The following POLG variants were observed in gnomAD, a reference collection of about 807,000 sequenced individuals.
The protein encoded by POLG is DNA polymerase gamma, catalytic subunit.
In POLG, 110 loss-of-function variants were observed where a neutral mutation model predicts 155.4. The observed-to-expected ratio is 0.71, with a 90% confidence interval of 0.61 to 0.83. The LOEUF is 0.83. Among genes scored for constraint, POLG ranks in the 40% least tolerant of loss-of-function variants. POLG has a pLI of 0.00. For missense variants in POLG, 1,685 were observed against 1,627.5 expected, an observed-to-expected ratio of 1.04 and a Z score of -0.61; for synonymous variants, 701 against 631.5, an observed-to-expected ratio of 1.11 and a Z score of -1.65.
Position 89,333,631 on chromosome 15 carries a change from G to T in POLG, c.124C>A (p.Arg42=). The T allele has an allele frequency of 1.3e-6, 2 of 1,594,256 alleles. No homozygotes were observed. The highest frequency in any genetic ancestry group is 1.7e-6 in the Non-Finnish European group (2 of 1,173,664). Residue 42 remains arginine (R), a synonymous_variant, in exon 2 of 23, where the codon CGG becomes AGG. Coordinates refer to ENST00000268124, the MANE Select transcript of POLG (RefSeq NM_002693.3). ...ASDPSDGQRR[R]QQQQQQQQQQ... ...TGCTGCTGCTGCTGCTGCTGCTGCC[G>T]CCGCCGCTGCCCGTCGCTGGGGTCG... is the stretch of plus-strand genomic sequence containing the variant.
chr15:89,318,775 G>C (rs1416375048), intron 20 of POLG, 26 bp from the exon 21 acceptor site: 1 of 1,599,898 alleles, frequency 6.3e-7, no homozygotes. Flanking sequence ...GGGCAGAGGT[G>C]AAAGGGGCTA....
At chr15:89,332,410 C>T (rs2055605004) in intron 2 of POLG, 1 of 152,144 alleles carries the variant, frequency 6.6e-6, no homozygotes, top group Non-Finnish European at 1.5e-5. Flanking sequence ...AGAAACAGTA[C>T]TGCCATCATT....
chr15:89,322,772 G>A lies in POLG; in HGVS notation c.2396C>T (p.Ser799Phe). The A allele has an allele frequency of 1.2e-6, 2 of 1,614,166 alleles. No homozygotes were observed. Among genetic ancestry groups the A allele is most frequent in the Non-Finnish European group, 1.7e-6 (2 of 1,180,022 alleles). Reference sequence around the variant, plus strand: ...ACGTTTATGGGCGTTCCTCCAGAAAGAAATCATTTTGTTGATTTCCAGAGC... The same window carrying A: ...ACGTTTATGGGCGTTCCTCCAGAAAAAAATCATTTTGTTGATTTCCAGAGC... The part of the protein sequence containing the change: ...PRALEINKMI[S>F]FWRNAHKRIS... The change falls in exon 14 of 23, where the codon TCT becomes TTT. Residue 799 changes from serine to phenylalanine, a missense_variant. Physicochemically the swap from Ser to Phe is radical, Grantham distance 155. Coordinates refer to ENST00000268124, the MANE Select transcript of POLG (RefSeq NM_002693.3).
In POLG at chr15:89,322,805, C is replaced by A; in HGVS notation, c.2363G>T (p.Gly788Val). ...TTTGTTGATTTCCAGAGCACGGGGCCCACTGGCACCTCCTGGGCCAGCCTG... is the reference window on the plus strand; with the variant it reads ...TTTGTTGATTTCCAGAGCACGGGGCACACTGGCACCTCCTGGGCCAGCCTG... ...TLQAGPGGAS[G>V]PRALEINKMI... Residue 788 changes from glycine (G) to valine (V), a missense_variant, in exon 14 of 23, where the codon GGG becomes GTG. Gly to Val is a moderately radical substitution (Grantham distance 109). Around this residue, in one of 3 missense-constraint regions of POLG, gnomAD observed 1,210 missense variants for 1,167.1 expected, o/e 1.04. Coordinates refer to ENST00000268124, the MANE Select transcript of POLG (RefSeq NM_002693.3). 1 of 1,614,162 alleles carries A rather than the reference C, an allele frequency of 6.2e-7. No individual in the cohort carries two copies. The highest frequency in any genetic ancestry group is 1.3e-5 in the African/African-American group (1 of 75,066).
At chr15:89,332,047 T>A (rs2055601003) in intron 2 of POLG, among the ~76,000 whole-genome samples, 1 of 152,254 alleles carries the variant, frequency 6.6e-6, no homozygotes, top group Non-Finnish European at 1.5e-5. Context: ...ACTGGTTTCC[T>A]AATTTTCTTT....
At chr15:89,319,397 C>T in intron 18 of POLG, 47 bp from the exon 19 acceptor site, 2 of 1,609,450 alleles carry the variant, frequency 1.2e-6, no homozygotes, top group Admixed American at 1.7e-5. Context: ...GCTTCCTGTG[C>T]CACGCTAGTG....
At position 89,324,105 on chromosome 15, in the gene POLG, A is replaced by C; in HGVS notation, c.2070+2T>G. 6.2e-7 allele frequency: 1 copy of C among 1,613,862 alleles called. No homozygotes were observed. The highest frequency in any genetic ancestry group is 8.5e-7 in the Non-Finnish European group (1 of 1,180,012). On this transcript the variant is annotated splice_donor_variant, in intron 11 of 22. Coordinates refer to ENST00000268124, the MANE Select transcript of POLG (RefSeq NM_002693.3). LOFTEE classifies it high-confidence loss of function. Reference sequence around the variant, plus strand: ...AAGCTCAGGTTCAGAGCCTGCCCTCACCGTTTGCCATATGGCACTATTGTC... The same window carrying C: ...AAGCTCAGGTTCAGAGCCTGCCCTCCCCGTTTGCCATATGGCACTATTGTC...
chr15:89,324,438 C>T (rs1567188800), intron 10 of POLG: 1 of 649,370 alleles, frequency 1.5e-6, no homozygotes, highest in Non-Finnish European at 2.8e-6. Context: ...GGTTCAAGGC[C>T]TTGTCTCACT....
In POLG at chr15:89,333,636, CGCT is replaced by C. The variant is rs763663907; in HGVS notation, c.116_118del (p.Gln39del). ...CTGCTGCTGCTGCTGCTGCCGCCGCCGCTGCCCGTCGCTGGGGTCGGACGCGGG... is the reference window on the plus strand; with the variant it reads ...CTGCTGCTGCTGCTGCTGCCGCCGCCGCCCGTCGCTGGGGTCGGACGCGGG... On this transcript the variant is annotated inframe_deletion, in exon 2 of 23. Coordinates refer to ENST00000268124, the MANE Select transcript of POLG (RefSeq NM_002693.3). 16 of 1,586,322 alleles carry C rather than the reference CGCT, an allele frequency of 1.0e-5. No homozygotes were observed. The East Asian group carries it at 1.1e-4, about 11-fold the overall frequency.
At chr15:89,325,796 C>T in intron 9 of POLG, 110 bp from the exon 10 acceptor site, 1 of 893,126 alleles carries the variant, frequency 1.1e-6, no homozygotes, top group Non-Finnish European at 1.9e-6. Context: ...CTGGGGCTTT[C>T]TGGTGACCCC....
At chr15:89,325,866 C>G (rs2055510601) in intron 9 of POLG, among the ~76,000 whole-genome samples, 180 bp from the exon 10 acceptor site, 1 of 152,170 alleles carries the variant, frequency 6.6e-6, no homozygotes, top group South Asian at 2.1e-4. Context: ...ATGGAATCCT[C>G]TAGAAGAATA....
intron 2 of POLG, among the ~76,000 whole-genome samples, chr15:89,331,061 A>G (rs577640974): frequency 6.6e-6 from 1 of 152,350 alleles, no homozygotes; most frequent in East Asian, 1.9e-4. Flanking sequence ...TAAACAATCA[A>G]GGCCCACTCA....
chr15:89,331,101 G>C (rs1340736611), intron 2 of POLG, among the ~76,000 whole-genome samples: 1 of 152,064 alleles, frequency 6.6e-6, no homozygotes, highest in East Asian at 1.9e-4. Context: ...GGCCACGTGT[G>C]GACAACACAG....
In POLG at chr15:89,321,860, G is replaced by A. The variant is rs2307448; in HGVS notation, c.2481-7C>T. The A allele has an allele frequency of 4.5e-3, 7,325 of 1,612,058 alleles. 22 individuals are homozygous for A. The highest frequency in any genetic ancestry group is 5.8e-3 in the Non-Finnish European group (6,873 of 1,178,114). On this transcript the variant is annotated splice_region_variant and splice_polypyrimidine_tract_variant and intron_variant, in intron 15 of 22. Coordinates refer to ENST00000268124, the MANE Select transcript of POLG (RefSeq NM_002693.3). ...CTCATCATAGTCGGGGTGCCTGGTG[G>A]GGTGCAGGGGAAGGAAATGGGTCTT...
intron 22 of POLG, 145 bp from the exon 23 acceptor site, chr15:89,316,972 G>C: frequency 1.4e-6 from 1 of 695,522 alleles, no homozygotes; most frequent in Non-Finnish European, 2.6e-6. Context: ...TTACATGTTA[G>C]GAGGGTCTGT....
chr15:89,327,371 C>T (rs1567191518), intron 6 of POLG, 22 bp from the exon 7 acceptor site: 1 of 1,611,080 alleles, frequency 6.2e-7, no homozygotes, highest in Non-Finnish European at 8.5e-7. Context: ...ACACCAGGAG[C>T]TGCCATAAAT....
chr15:89,316,966 A>C, intron 22 of POLG, 139 bp from the exon 23 acceptor site: 2 of 707,314 alleles, frequency 2.8e-6, no homozygotes, highest in South Asian at 3.0e-5. Context: ...GTAATGTTAC[A>C]TGTTAGGAGG....
intron 9 of POLG, among the ~76,000 whole-genome samples, chr15:89,326,309 TGCCTGGCTCCTCCTAGGAAAAAGAACTAC>T (rs1233427670): frequency 6.6e-6 from 1 of 152,204 alleles, no homozygotes; most frequent in Non-Finnish European, 1.5e-5. Flanking sequence ...CTGGTCTACG[TGCCTGGCTCCTCCTAGGAAAAAGAACTAC>T]TGGAAAGGAG....
chr15:89,329,167 A>C (rs1172687960), intron 3 of POLG, 57 bp from the exon 4 acceptor site: 1 of 1,467,742 alleles, frequency 6.8e-7, no homozygotes, highest in East Asian at 2.4e-5. Flanking sequence ...CTGTGGGGCC[A>C]GCCCACCACT....
Sources: gnomAD v4.1 joint callset for allele counts (sites outside exome capture counted in the v4.1 genomes callset) on GRCh38, gnomAD v4.1.1 for gene constraint, gnomAD v4.1.1 regional missense constraint, MANE v1.5 for transcripts, NCBI Gene and HGNC (gene_info 2026-07-23, HGNC 2026-07-21) for gene names.